NPIPB8: variants seen among roughly 807,000 people sequenced by gnomAD.
NPIPB8 encodes the protein nuclear pore complex interacting protein family member B8.
In NPIPB8, 3 loss-of-function variants were observed where a neutral mutation model predicts 5.3. That is an observed-to-expected ratio of 0.57 (90% CI 0.26 to 1.47). NPIPB8 has a LOEUF of 1.47. Among genes scored for constraint, NPIPB8 ranks in the 40% most tolerant of loss-of-function variants. NPIPB8 has a pLI of 0.13. For synonymous variants in NPIPB8, 18 were observed against 23.0 expected (o/e 0.78, Z 0.62); for missense variants, 50 against 50.2 (o/e 1.00, Z 0.01).
intron 2 of NPIPB8, among the ~76,000 whole-genome samples, chr16:28,642,055 C>T (rs1207529556): frequency 6.6e-6 from 1 of 151,654 alleles, no homozygotes; most frequent in East Asian, 1.9e-4. Flanking sequence ...ACTTCAACCC[C>T]CACTTACTTG....
At chr16:28,640,491 T>C (rs3869379) in intron 2 of NPIPB8, among the ~76,000 whole-genome samples, 139 of 152,194 alleles carry the variant, frequency 9.1e-4, no homozygotes, top group Non-Finnish European at 1.8e-3. Context: ...TCACTTCCAC[T>C]CACATCTCCT....
At chr16:28,653,024 G>C (rs1409576992) in intron 5 of NPIPB8, among the ~76,000 whole-genome samples, 4 of 121,294 alleles carry the variant, frequency 3.3e-5, no homozygotes, top group South Asian at 2.4e-4. Flanking sequence ...TTCTGCCTCA[G>C]CTTCCTGAGT....
chr16:28,639,237 G>A (rs1023279426), intron 2 of NPIPB8, among the ~76,000 whole-genome samples: 21 of 147,654 alleles, frequency 1.4e-4, no homozygotes, highest in African/African-American at 5.0e-4. Context: ...TTTACAACAT[G>A]TAATACATAT....
chr16:28,639,182 AT>A (rs2047846954), intron 2 of NPIPB8, among the ~76,000 whole-genome samples: 1 of 146,562 alleles, frequency 6.8e-6, no homozygotes, highest in African/African-American at 2.5e-5. Flanking sequence ...GTACATATAT[AT>A]GTTCTATAAT....
chr16:28,638,894 C>T (rs1022295139), intron 2 of NPIPB8, among the ~76,000 whole-genome samples: 14 of 148,762 alleles, frequency 9.4e-5, no homozygotes, highest in East Asian at 5.9e-4. Context: ...TATGGCAAAA[C>T]CTCGTCCCTA....
At chr16:28,640,045 C>G (rs1406558386) in intron 2 of NPIPB8, among the ~76,000 whole-genome samples, 2 of 151,332 alleles carry the variant, frequency 1.3e-5, no homozygotes, top group Non-Finnish European at 2.9e-5. Flanking sequence ...ATGGTATAGC[C>G]ACCTCATTTT....
At position 28,638,404 on chromosome 16, in the gene NPIPB8, A is replaced by G. The variant is rs759545076; in HGVS notation, c.44A>G (p.His15Arg). The G allele has an allele frequency of 1.4e-5, 22 of 1,572,448 alleles. No individual in the cohort carries two copies. The highest frequency in any genetic ancestry group is 5.5e-5 in the African/African-American group (4 of 72,750). The change falls in exon 2 of 8, where the codon CAT (histidine) becomes CGT (arginine). Residue 15 changes from histidine to arginine, a missense_variant. Physicochemically the swap from His to Arg is conservative, Grantham distance 29. Transcript: ENST00000683297. Reference sequence around the variant, plus strand: ...GTCCTGACCCCACAGTTCCTGTCCCATGACCAGGGCCAGCTCACCAAGGAG... The same window carrying G: ...GTCCTGACCCCACAGTTCCTGTCCCGTGACCAGGGCCAGCTCACCAAGGAG... ...SIVLTPQFLS[H>R]DQGQLTKELQ...
intron 5 of NPIPB8, among the ~76,000 whole-genome samples, chr16:28,652,817 G>C (rs1341491940): frequency 7.3e-6 from 1 of 136,992 alleles, no homozygotes; most frequent in East Asian, 2.0e-4. Flanking sequence ...GTCCAGGCTG[G>C]TCTCGAACTT....
intron 2 of NPIPB8, among the ~76,000 whole-genome samples, chr16:28,639,398 T>TAC (rs755245844): frequency 0.2 from 28,553 of 140,568 alleles, 3,277 homozygotes; most frequent in Non-Finnish European, 0.25. Context: ...TTTATATAGA[T>TAC]ACACACACAC....
chr16:28,638,245 C>A, intron 1 of NPIPB8, 78 bp from the exon 2 acceptor site: 2 of 1,508,266 alleles, frequency 1.3e-6, no homozygotes, highest in Non-Finnish European at 1.8e-6. Context: ...AGCCCCTATG[C>A]TCTTGACCAC....
At chr16:28,652,753 C>T (rs1293428553) in intron 5 of NPIPB8, among the ~76,000 whole-genome samples, 3 of 136,168 alleles carry the variant, frequency 2.2e-5, no homozygotes, top group African/African-American at 8.8e-5. Flanking sequence ...AGGTGCCCAC[C>T]ACCATGCCCA....
chr16:28,644,592 G>T, intron 2 of NPIPB8: 1 of 1,500,860 alleles, frequency 6.7e-7, no homozygotes, highest in Non-Finnish European at 8.9e-7. Context: ...ACCAGGACAT[G>T]CGGCTGCGCT....
At chr16:28,643,082 G>C (rs1319424071) in intron 2 of NPIPB8, among the ~76,000 whole-genome samples, 1 of 151,604 alleles carries the variant, frequency 6.6e-6, no homozygotes, top group African/African-American at 2.4e-5. Context: ...CTGCCCACCT[G>C]CTTGGAGCTC....
At chr16:28,652,449 C>G (rs1345316862) in intron 5 of NPIPB8, 85 bp downstream of exon 5, 1 of 85,528 alleles carries the variant, frequency 1.2e-5, no homozygotes, top group African/African-American at 7.1e-5. Flanking sequence ...AGAATATTTT[C>G]TACAATATTT....
At chr16:28,651,112 G>C (rs1405314118) in intron 3 of NPIPB8, among the ~76,000 whole-genome samples, 3 of 23,298 alleles carry the variant, frequency 1.3e-4, no homozygotes, top group Non-Finnish European at 1.3e-4. Context: ...AGCCTCCCGA[G>C]TAGCTGGGAC....
In NPIPB8 at chr16:28,639,739, C is replaced by T. The variant is rs550369153; in HGVS notation, c.120+1259C>T. Among the ~76,000 whole-genome samples, 504 of 148,554 alleles carry T rather than the reference C, an allele frequency of 3.4e-3. 4 individuals are homozygous for T. The highest frequency in any genetic ancestry group is 0.012 in the African/African-American group (459 of 39,384). ...AAGTGCTGGGACTATAGGTGTGAGCCGCTACACCCCGTCCAAGATAAAATT... is the reference window on the plus strand; with the variant it reads ...AAGTGCTGGGACTATAGGTGTGAGCTGCTACACCCCGTCCAAGATAAAATT... On this transcript the variant is annotated intron_variant, in intron 2 of 7. Transcript: ENST00000683297.
chr16:28,639,336 T>C (rs2047849582), intron 2 of NPIPB8, among the ~76,000 whole-genome samples: 1 of 150,074 alleles, frequency 6.7e-6, no homozygotes, highest in Admixed American at 6.7e-5. Context: ...AAGTTGAACA[T>C]TATCTTGTCT....
At chr16:28,638,985 C>T (rs928346103) in intron 2 of NPIPB8, among the ~76,000 whole-genome samples, 2 of 149,760 alleles carry the variant, frequency 1.3e-5, no homozygotes, top group Admixed American at 6.7e-5. Context: ...AGGAGAATTG[C>T]TTAGATTCAG....
chr16:28,640,491 T>G (rs3869379), intron 2 of NPIPB8, among the ~76,000 whole-genome samples: 2 of 152,076 alleles, frequency 1.3e-5, no homozygotes, highest in Non-Finnish European at 2.9e-5. Context: ...TCACTTCCAC[T>G]CACATCTCCT....
Sources: gnomAD v4.1 joint callset for allele counts (sites outside exome capture counted in the v4.1 genomes callset) on GRCh38, gnomAD v4.1.1 for gene constraint, MANE v1.5 for transcripts, NCBI Gene and HGNC (gene_info 2026-07-23, HGNC 2026-07-21) for gene names.